BTBD16: variants seen among roughly 807,000 people sequenced by gnomAD.
The protein encoded by BTBD16 is BTB domain containing 16.
BTBD16 carries 66 observed loss-of-function variants against 67.4 expected under a neutral mutation model. The ratio of observed to expected loss-of-function variants is 0.98; its 90% CI spans 0.80 to 1.20. BTBD16 has a LOEUF of 1.20. BTBD16 is among the 50% of genes most tolerant of loss of function. The pLI, the probability that BTBD16 is intolerant of heterozygous loss-of-function variation, is 0.00. For synonymous variants in BTBD16, 242 were observed against 236.4 expected (o/e 1.02, Z -0.22); for missense variants, 634 against 616.0 (o/e 1.03, Z -0.31).
intron 9 of BTBD16, among the ~76,000 whole-genome samples, chr10:122,304,663 T>A (rs1227730637): frequency 2.7e-5 from 4 of 149,910 alleles, no homozygotes; most frequent in African/African-American, 9.8e-5. Flanking sequence ...CACGCCATTC[T>A]CCTGCCTCAG....
chr10:122,284,191 A>C (rs2096358814), intron 4 of BTBD16, among the ~76,000 whole-genome samples: 1 of 152,154 alleles, frequency 6.6e-6, no homozygotes, highest in South Asian at 2.1e-4. Flanking sequence ...AATAGCCCAC[A>C]CCTGTAATCC....
chr10:122,332,434 A>C lies in BTBD16; in HGVS notation c.1087-2A>C, dbSNP rs886189216. ...GGTCAGCTGTGTGCATTTTCCTTTC[A>C]GCTGGAGAATGGGGGCGACATGGTC... On this transcript the variant is annotated splice_acceptor_variant, in intron 12 of 15. Transcript: ENST00000260723. LOFTEE classifies it high-confidence loss of function. The C allele has an allele frequency of 1.2e-6, 2 of 1,613,878 alleles. No individual in the cohort carries two copies. Among genetic ancestry groups the C allele is most frequent in the Middle Eastern group, 1.7e-4 (1 of 6,060 alleles).
At chr10:122,284,010 T>A in intron 4 of BTBD16, 86 bp downstream of exon 4, 1 of 979,568 alleles carries the variant, frequency 1.0e-6, no homozygotes, top group Non-Finnish European at 1.6e-6. Flanking sequence ...GACCAGTCCA[T>A]AAACCAGGGC....
chr10:122,303,029 TAAAA>T (rs1166367981), intron 9 of BTBD16, among the ~76,000 whole-genome samples: 1 of 152,008 alleles, frequency 6.6e-6, no homozygotes, highest in African/African-American at 2.4e-5. Context: ...TTTTTACTGT[TAAAA>T]AAAGTATATC....
At chr10:122,272,422 A>G (rs1335872869) in intron 1 of BTBD16, among the ~76,000 whole-genome samples, 2 of 152,132 alleles carry the variant, frequency 1.3e-5, no homozygotes, top group African/African-American at 4.8e-5. Flanking sequence ...GCTCACTGCA[A>G]CCTCCACCTC....
At chr10:122,299,630 A>T (rs1239859083) in intron 9 of BTBD16, among the ~76,000 whole-genome samples, 1 of 151,588 alleles carries the variant, frequency 6.6e-6, no homozygotes, top group Non-Finnish European at 1.5e-5. Flanking sequence ...CCCTGCCCCC[A>T]GTGTTCCTCC....
At chr10:122,291,790 C>G (rs544938243) in intron 7 of BTBD16, 1 of 152,244 alleles carries the variant, frequency 6.6e-6, no homozygotes, top group African/African-American at 2.4e-5. Flanking sequence ...AATCCCCCTG[C>G]CCATTTTAGG....
chr10:122,278,189 C>G (rs544455146), intron 3 of BTBD16, among the ~76,000 whole-genome samples: 2 of 152,278 alleles, frequency 1.3e-5, no homozygotes, highest in East Asian at 3.9e-4. Context: ...AGGGTCTGGG[C>G]AGCAAGAACT....
chr10:122,336,710 A>G (rs1330084567), intron 15 of BTBD16, 28 bp downstream of exon 15: 4 of 1,541,252 alleles, frequency 2.6e-6, no homozygotes, highest in Non-Finnish European at 3.5e-6. Context: ...CTTTTCCTTT[A>G]TTTCCTTTTT....
At chr10:122,312,692 G>C (rs967558402) in intron 10 of BTBD16, among the ~76,000 whole-genome samples, 1 of 152,102 alleles carries the variant, frequency 6.6e-6, no homozygotes, top group Non-Finnish European at 1.5e-5. Flanking sequence ...CTGCTAATGA[G>C]GTTGAGCATT....
intron 10 of BTBD16, among the ~76,000 whole-genome samples, chr10:122,318,795 A>G (rs2096430694): frequency 6.6e-6 from 1 of 152,234 alleles, no homozygotes; most frequent in Non-Finnish European, 1.5e-5. Context: ...CATGGTGGCC[A>G]GGCTGGTCTC....
intron 2 of BTBD16, among the ~76,000 whole-genome samples, chr10:122,276,131 A>G (rs2096340032): frequency 1.3e-5 from 2 of 152,208 alleles, no homozygotes; most frequent in Admixed American, 6.5e-5. Context: ...CTTGTATGCA[A>G]TACCCAGAAC....
At chr10:122,321,246 A>C (rs1296545711) in intron 10 of BTBD16, among the ~76,000 whole-genome samples, 2 of 152,170 alleles carry the variant, frequency 1.3e-5, no homozygotes, top group Admixed American at 6.5e-5. Flanking sequence ...TTCTTTATCC[A>C]ATCCACCACT....
intron 5 of BTBD16, among the ~76,000 whole-genome samples, chr10:122,289,619 T>C (rs1449927261): frequency 6.6e-6 from 1 of 151,934 alleles, no homozygotes; most frequent in Non-Finnish European, 1.5e-5. Context: ...ATGCCTATAA[T>C]CCCAGCTACT....
intron 13 of BTBD16, 106 bp downstream of exon 13, chr10:122,332,619 CAG>C (rs371702303): frequency 8.1e-7 from 1 of 1,235,708 alleles, no homozygotes; most frequent in African/African-American, 1.5e-5. Flanking sequence ...GTAGGAAGGT[CAG>C]GGGTCCAGAA....
intron 9 of BTBD16, among the ~76,000 whole-genome samples, chr10:122,302,453 T>C (rs1472959994): frequency 6.6e-6 from 1 of 152,118 alleles, no homozygotes; most frequent in African/African-American, 2.4e-5. Flanking sequence ...CTAGCTCCCA[T>C]CTCAACAAAA....
chr10:122,306,660 G>A (rs947699325), intron 9 of BTBD16, among the ~76,000 whole-genome samples: 5 of 152,172 alleles, frequency 3.3e-5, no homozygotes, highest in African/African-American at 1.2e-4. Flanking sequence ...AGGCACCTTG[G>A]TGCGAAATTT....
chr10:122,336,534 ACGAGCACAACCACGTCAGCCTG>A lies in BTBD16; in HGVS notation c.1310_1331del (p.His437ArgfsTer5), dbSNP rs2096463486. The A allele has an allele frequency of 6.2e-7, 1 of 1,612,124 alleles. No individual in the cohort carries two copies. On this transcript the variant is annotated frameshift_variant, in exon 15 of 16. Coordinates refer to ENST00000260723, the MANE Select transcript of BTBD16 (RefSeq NM_144587.5). LOFTEE classifies it high-confidence loss of function. ...GACCTGGAATCTCCCTCTGCGGTCTACGAGCACAACCACGTCAGCCTGCGAGCGGCACGCCTGGTGAAGTATG... is the reference window on the plus strand; with the variant it reads ...GACCTGGAATCTCCCTCTGCGGTCTACGAGCGGCACGCCTGGTGAAGTATG...
chr10:122,307,192 A>AT lies in BTBD16; in HGVS notation c.798dup (p.Thr267TyrfsTer3), dbSNP rs760545933. 1 of 1,594,184 alleles carries AT rather than the reference A, an allele frequency of 6.3e-7. No individual in the cohort carries two copies. Among genetic ancestry groups the AT allele is most frequent in the South Asian group, 1.2e-5 (1 of 86,006 alleles). On this transcript the variant is annotated frameshift_variant, in exon 10 of 16. Transcript: ENST00000260723. LOFTEE classifies it high-confidence loss of function. The stretch of plus-strand genomic sequence containing the variant: ...TCAATCTTTTTATTTTGGCCAGGTT[A>AT]TTTACCTTTAGTGAATTCCATCTTC...
Sources: gnomAD v4.1 joint callset for allele counts (sites outside exome capture counted in the v4.1 genomes callset) on GRCh38, gnomAD v4.1.1 for gene constraint, MANE v1.5 for transcripts, NCBI Gene and HGNC (gene_info 2026-07-23, HGNC 2026-07-21) for gene names.